Variants in SPAG16 observed in about 807,000 individuals in gnomAD.
SPAG16 encodes sperm associated antigen 16.
A neutral mutation model predicts 80.4 loss-of-function variants in SPAG16; 86 were observed. That is an observed-to-expected ratio of 1.07 (90% CI 0.90 to 1.28). The LOEUF is 1.28. Among genes scored for constraint, SPAG16 ranks in the 50% most tolerant of loss-of-function variants. The pLI, the probability that SPAG16 is intolerant of heterozygous loss-of-function variation, is 0.00. For synonymous variants in SPAG16, 294 were observed against 265.9 expected (o/e 1.11, Z -1.03); for missense variants, 870 against 765.3 (o/e 1.14, Z -1.61).
At chr2:214,248,287 A>T (rs559230624) in intron 15 of SPAG16, among the ~76,000 whole-genome samples, 64 of 138,548 alleles carry the variant, frequency 4.6e-4, no homozygotes, top group African/African-American at 1.5e-3. Context: ...TACTATTCTT[A>T]TATTATTATT....
intron 15 of SPAG16, among the ~76,000 whole-genome samples, chr2:214,394,920 G>A (rs1465004442): frequency 6.6e-6 from 1 of 152,112 alleles, no homozygotes; most frequent in African/African-American, 2.4e-5. Flanking sequence ...TATCTCCATA[G>A]TTTTGCCTTA....
At chr2:213,443,207 A>G (rs2071090104) in intron 9 of SPAG16, among the ~76,000 whole-genome samples, 1 of 152,192 alleles carries the variant, frequency 6.6e-6, no homozygotes, top group African/African-American at 2.4e-5. Flanking sequence ...GCAAATTTTT[A>G]GTATGCAATA....
At chr2:213,392,515 A>C (rs1355261479) in intron 9 of SPAG16, among the ~76,000 whole-genome samples, 1 of 152,162 alleles carries the variant, frequency 6.6e-6, no homozygotes, top group African/African-American at 2.4e-5. Context: ...GAAATCTATA[A>C]CCATATGCAA....
intron 10 of SPAG16, among the ~76,000 whole-genome samples, chr2:213,556,729 T>G (rs1165409366): frequency 6.6e-6 from 1 of 152,106 alleles, no homozygotes; most frequent in East Asian, 1.9e-4. Context: ...TGAACTATAC[T>G]CTTTAGACCA....
At chr2:213,472,890 G>T (rs2073164276) in intron 9 of SPAG16, among the ~76,000 whole-genome samples, 1 of 152,168 alleles carries the variant, frequency 6.6e-6, no homozygotes, top group Non-Finnish European at 1.5e-5. Context: ...AGTTACCCTA[G>T]TAAAATGCTG....
chr2:213,560,294 C>T (rs1228337910), intron 10 of SPAG16, among the ~76,000 whole-genome samples: 1 of 151,924 alleles, frequency 6.6e-6, no homozygotes, highest in Non-Finnish European at 1.5e-5. Flanking sequence ...AAAGATAAAG[C>T]TAGAAACTAT....
At chr2:214,149,983 A>G (rs1576355742) in intron 15 of SPAG16, among the ~76,000 whole-genome samples, 1 of 152,228 alleles carries the variant, frequency 6.6e-6, no homozygotes, top group African/African-American at 2.4e-5. Flanking sequence ...GTTATTGAAT[A>G]ATATATTTTT....
At chr2:213,913,110 T>C (rs151142438) in intron 11 of SPAG16, among the ~76,000 whole-genome samples, 1 of 152,242 alleles carries the variant, frequency 6.6e-6, no homozygotes, top group African/African-American at 2.4e-5. Flanking sequence ...TATTTTATTT[T>C]TACTTCATTA....
intron 10 of SPAG16, among the ~76,000 whole-genome samples, chr2:213,706,310 G>T (rs1285807879): frequency 6.6e-6 from 1 of 152,176 alleles, no homozygotes; most frequent in East Asian, 1.9e-4. Flanking sequence ...ATGGTTGAGT[G>T]AATAAAACTT....
At chr2:214,139,771 T>C (rs1250351201) in intron 14 of SPAG16, among the ~76,000 whole-genome samples, 2 of 152,218 alleles carry the variant, frequency 1.3e-5, no homozygotes, top group Non-Finnish European at 2.9e-5. Flanking sequence ...AGGGCTTTTT[T>C]GAGGCCTGTT....
intron 12 of SPAG16, among the ~76,000 whole-genome samples, chr2:213,943,932 G>C (rs1423685812): frequency 6.6e-6 from 1 of 152,176 alleles, no homozygotes; most frequent in Non-Finnish European, 1.5e-5. Flanking sequence ...ATGAAGAAAA[G>C]TTGTTGGACT....
intron 12 of SPAG16, among the ~76,000 whole-genome samples, chr2:214,012,173 C>G (rs962712549): frequency 7.0e-6 from 1 of 142,898 alleles, no homozygotes; most frequent in African/African-American, 2.6e-5. Flanking sequence ...TTGGTTCAAG[C>G]CACAGAGGAA....
chr2:213,951,518 A>G (rs2079778743), intron 12 of SPAG16, among the ~76,000 whole-genome samples: 1 of 152,194 alleles, frequency 6.6e-6, no homozygotes, highest in Non-Finnish European at 1.5e-5. Flanking sequence ...TATGCAAAAG[A>G]CAAAAGCACA....
chr2:213,897,158 T>G (rs1344434307), intron 11 of SPAG16, among the ~76,000 whole-genome samples: 2 of 152,114 alleles, frequency 1.3e-5, no homozygotes, highest in Middle Eastern at 3.2e-3. Context: ...ATTATATGAG[T>G]GTATTAAATT....
chr2:213,441,983 C>A (rs2070995407), intron 9 of SPAG16, among the ~76,000 whole-genome samples: 1 of 152,152 alleles, frequency 6.6e-6, no homozygotes, highest in Non-Finnish European at 1.5e-5. Context: ...CCCATCTCTA[C>A]TAAAAATATT....
chr2:214,341,136 G>A (rs79981806), intron 15 of SPAG16, among the ~76,000 whole-genome samples: 8,281 of 152,116 alleles, frequency 0.054, 712 homozygotes, highest in African/African-American at 0.18. Flanking sequence ...AGAAAGAACC[G>A]TCCTAGGTGG....
intron 9 of SPAG16, among the ~76,000 whole-genome samples, chr2:213,451,909 T>A (rs2071715872): frequency 1.3e-5 from 2 of 152,182 alleles, no homozygotes; most frequent in South Asian, 4.2e-4. Flanking sequence ...CAGCTGCAGG[T>A]GTCCCTGACT....
chr2:213,314,498 A>G (rs1442624497), intron 4 of SPAG16, among the ~76,000 whole-genome samples: 1 of 151,898 alleles, frequency 6.6e-6, no homozygotes, highest in Non-Finnish European at 1.5e-5. Flanking sequence ...TAGTTTGTGC[A>G]TTAAAATTCC....
At chr2:213,762,794 A>G (rs2068732034) in intron 10 of SPAG16, among the ~76,000 whole-genome samples, 1 of 152,190 alleles carries the variant, frequency 6.6e-6, no homozygotes, top group South Asian at 2.1e-4. Flanking sequence ...AACTACACCA[A>G]ACTAAAAAGC....
Sources: gnomAD v4.1 joint callset for allele counts (sites outside exome capture counted in the v4.1 genomes callset) on GRCh38, gnomAD v4.1.1 for gene constraint, MANE v1.5 for transcripts, NCBI Gene and HGNC (gene_info 2026-07-23, HGNC 2026-07-21) for gene names.